The following BRMS1L variants were observed in gnomAD, a reference collection of about 807,000 sequenced individuals.
BRMS1L encodes the protein breast cancer metastasis-suppressor 1-like protein.
Under a neutral mutation model 50.3 loss-of-function variants are expected in BRMS1L, and 23 were observed. The observed-to-expected ratio is 0.46, with a 90% CI of 0.33 to 0.65. The LOEUF (loss-of-function observed/expected upper bound fraction) is 0.65. Among genes scored for constraint, BRMS1L ranks in the 30% least tolerant of loss-of-function variants. The probability of loss-of-function intolerance (pLI) is 0.02; values close to 1 mark genes in which losing one functional copy is unlikely to be tolerated. For missense variants in BRMS1L, 286 were observed against 386.1 expected (o/e 0.74, Z 2.17); for synonymous variants, 114 against 126.9 (o/e 0.90, Z 0.69).
At chr14:35,850,876 A>G (rs2142051924) in intron 4 of BRMS1L, among the ~76,000 whole-genome samples, 1 of 152,326 alleles carries the variant, frequency 6.6e-6, no homozygotes. Flanking sequence ...CAGTTCTTAC[A>G]AAAGTTGTCC....
At chr14:35,832,894 G>T in intron 2 of BRMS1L, 84 bp from the exon 3 acceptor site, 2 of 1,201,652 alleles carry the variant, frequency 1.7e-6, no homozygotes, top group Non-Finnish European at 2.3e-6. Flanking sequence ...AAATGATATT[G>T]GGAACAAATA....
intron 4 of BRMS1L, among the ~76,000 whole-genome samples, chr14:35,853,055 G>T (rs1183057635): frequency 6.6e-6 from 1 of 150,810 alleles, no homozygotes; most frequent in Non-Finnish European, 1.5e-5. Context: ...ACACATTTTA[G>T]AATTTTTATA....
At chr14:35,841,191 T>C (rs1350793520) in intron 4 of BRMS1L, among the ~76,000 whole-genome samples, 3 of 152,228 alleles carry the variant, frequency 2.0e-5, no homozygotes, top group Non-Finnish European at 4.4e-5. Context: ...TGAGTTCTAA[T>C]TTAGCTGCAC....
chr14:35,854,517 T>A (rs1566425122), intron 4 of BRMS1L, among the ~76,000 whole-genome samples: 2 of 152,320 alleles, frequency 1.3e-5, no homozygotes, highest in East Asian at 1.9e-4. Context: ...CTCTCCTGAC[T>A]TGGGTTTGTT....
At chr14:35,866,281 T>G (rs920576447) in intron 8 of BRMS1L, among the ~76,000 whole-genome samples, 1 of 152,216 alleles carries the variant, frequency 6.6e-6, no homozygotes, top group African/African-American at 2.4e-5. Flanking sequence ...CTTCTTTCAC[T>G]ATAGGTGAGA....
At chr14:35,834,504 T>G (rs2077966932) in intron 3 of BRMS1L, among the ~76,000 whole-genome samples, 1 of 152,192 alleles carries the variant, frequency 6.6e-6, no homozygotes, top group South Asian at 2.1e-4. Flanking sequence ...TATCTCCATT[T>G]CTATTTTGAG....
intron 4 of BRMS1L, among the ~76,000 whole-genome samples, chr14:35,846,258 A>G (rs1490267899): frequency 1.3e-5 from 2 of 151,922 alleles, no homozygotes; most frequent in African/African-American, 4.8e-5. Context: ...AAAACTGGGC[A>G]TGGTGGCACA....
intron 4 of BRMS1L, among the ~76,000 whole-genome samples, chr14:35,845,467 G>T (rs185203865): frequency 5.9e-5 from 9 of 152,180 alleles, no homozygotes; most frequent in Admixed American, 2.0e-4. Flanking sequence ...TGAATTAGTC[G>T]TGGTTTTATT....
chr14:35,840,863 A>G (rs926901341), intron 4 of BRMS1L, among the ~76,000 whole-genome samples: 1 of 150,902 alleles, frequency 6.6e-6, no homozygotes, highest in African/African-American at 2.4e-5. Context: ...GTTCTGCTCC[A>G]ATCTTTGTTA....
intron 4 of BRMS1L, among the ~76,000 whole-genome samples, chr14:35,836,082 G>A (rs1463592762): frequency 1.3e-5 from 2 of 152,082 alleles, no homozygotes; most frequent in East Asian, 1.9e-4. Flanking sequence ...TCTTTTTGGC[G>A]TTTACTAGCT....
rs2078490158 is a variant in BRMS1L at position 35,871,405 on chromosome 14, T to C, written c.*928T>C. 1 of 152,648 alleles carries C rather than the reference T, an allele frequency of 6.6e-6. No homozygotes were observed. Among genetic ancestry groups the C allele is most frequent in the Non-Finnish European group, 1.5e-5 (1 of 68,046 alleles). The allele number at this position is 152,648 out of a possible 1,614,324, so 9.5% of individuals were successfully genotyped here. A position where few individuals can be genotyped will look rare whatever the true frequency, so the allele number is the denominator to read the frequency against. ...CTTGAATCTATTTCCAAATTAATAT[T>C]TTTTTCTTTGGTATTTCTACACTTT... On this transcript the variant is annotated 3_prime_UTR_variant, in exon 10 of 10. Coordinates refer to ENST00000216807, the MANE Select transcript of BRMS1L (RefSeq NM_032352.4).
intron 4 of BRMS1L, among the ~76,000 whole-genome samples, chr14:35,854,692 T>C (rs939911791): frequency 1.3e-5 from 2 of 152,216 alleles, no homozygotes; most frequent in African/African-American, 4.8e-5. Flanking sequence ...AAGTCTACTG[T>C]TTTTTATTTC....
chr14:35,833,116 G>A lies in BRMS1L; in HGVS notation c.361+11G>A. On this transcript the variant is annotated intron_variant, in intron 3 of 9. Coordinates refer to ENST00000216807, the MANE Select transcript of BRMS1L (RefSeq NM_032352.4). ...GTACAAAGGTAGCAGGTAGGAAAGTGAAGAATCTTTTCCATATATAGAATG... is the reference window on the plus strand; with the variant it reads ...GTACAAAGGTAGCAGGTAGGAAAGTAAAGAATCTTTTCCATATATAGAATG... 6.2e-7 allele frequency: 1 copy of A among 1,606,190 alleles called. No individual in the cohort carries two copies. Among genetic ancestry groups the A allele is most frequent in the Non-Finnish European group, 8.5e-7 (1 of 1,175,298 alleles).
rs2078480662 is a variant in BRMS1L at position 35,870,705 on chromosome 14, A to G, written c.*228A>G. ...ATTTGCCTCTTAGGTCCGATGACCA[A>G]TAGGTATTCTGTATATGGTAGGGGT... On this transcript the variant is annotated 3_prime_UTR_variant, in exon 10 of 10. Coordinates refer to ENST00000216807, the MANE Select transcript of BRMS1L (RefSeq NM_032352.4). 1 of 262,148 alleles carries G rather than the reference A, an allele frequency of 3.8e-6. No homozygotes were observed. Among genetic ancestry groups the G allele is most frequent in the Non-Finnish European group, 7.3e-6 (1 of 136,150 alleles). 16.2% of individuals were successfully genotyped at this position (262,148 alleles called of 1,614,324 possible). A position where few individuals can be genotyped will look rare whatever the true frequency, so the allele number is the denominator to read the frequency against.
At chr14:35,830,198 TA>T (rs1490630200) in intron 1 of BRMS1L, among the ~76,000 whole-genome samples, 2 of 152,180 alleles carry the variant, frequency 1.3e-5, no homozygotes, top group African/African-American at 4.8e-5. Flanking sequence ...ACCTCCCAGG[TA>T]GCTGGGATTA....
intron 5 of BRMS1L, 94 bp from the exon 6 acceptor site, chr14:35,863,776 A>G (rs2078383818): frequency 8.9e-6 from 10 of 1,123,304 alleles, no homozygotes; most frequent in Non-Finnish European, 1.3e-5. Flanking sequence ...TTACGTTTTT[A>G]CATGTAACTA....
intron 4 of BRMS1L, among the ~76,000 whole-genome samples, chr14:35,857,193 A>T (rs1013445503): frequency 1.9e-4 from 28 of 150,936 alleles, no homozygotes; most frequent in African/African-American, 6.6e-4. Flanking sequence ...GTGAGATGAG[A>T]TCATGCCACT....
intron 1 of BRMS1L, among the ~76,000 whole-genome samples, chr14:35,828,852 A>G (rs1160336653): frequency 6.6e-6 from 1 of 152,206 alleles, no homozygotes; most frequent in African/African-American, 2.4e-5. Flanking sequence ...GGAAGGGGAG[A>G]ATAATTTGTA....
At chr14:35,849,104 C>T (rs914758901) in intron 4 of BRMS1L, among the ~76,000 whole-genome samples, 13 of 152,014 alleles carry the variant, frequency 8.6e-5, no homozygotes, top group Non-Finnish European at 1.9e-4. Context: ...ATCCTCCCAC[C>T]TTGGCCTCCC....
Sources: gnomAD v4.1 joint callset for allele counts (sites outside exome capture counted in the v4.1 genomes callset) on GRCh38, gnomAD v4.1.1 for gene constraint, MANE v1.5 for transcripts, NCBI Gene and HGNC (gene_info 2026-07-23, HGNC 2026-07-21) for gene names.